VEPH1: variants seen among roughly 807,000 people sequenced by gnomAD.
The protein encoded by VEPH1 is ventricular zone-expressed PH domain-containing protein homolog 1.
VEPH1 carries 80 observed loss-of-function variants against 85.2 expected under a neutral mutation model. That is an observed-to-expected ratio of 0.94 (90% CI 0.78 to 1.13). The LOEUF is 1.13. VEPH1 is among the 50% of genes most tolerant of loss of function. The pLI is 0.00. For missense variants in VEPH1, 955 were observed against 980.5 expected (o/e 0.97, Z 0.35); for synonymous variants, 297 against 348.0 (o/e 0.85, Z 1.63).
At chr3:157,264,637 A>G (rs1713366695) in intron 13 of VEPH1, among the ~76,000 whole-genome samples, 1 of 152,134 alleles carries the variant, frequency 6.6e-6, no homozygotes, top group African/African-American at 2.4e-5. Context: ...TCCTTGGACA[A>G]TCCAATCAGT....
chr3:157,402,516 T>G (rs1252260782), intron 6 of VEPH1, among the ~76,000 whole-genome samples: 1 of 152,086 alleles, frequency 6.6e-6, no homozygotes, highest in African/African-American at 2.4e-5. Flanking sequence ...ATCCAGAGAT[T>G]TAAAAAATCA....
In VEPH1 at chr3:157,469,256, A is replaced by G. The variant is rs185051208; in HGVS notation, c.354+1058T>C. ...GTGGTGCATGAAGAGTCTTTTGTTC[A>G]GTTGATCAATTCCTAGACTGAGCAG... On this transcript the variant is annotated intron_variant, in intron 3 of 13. Transcript: ENST00000362010. 2.4e-3 allele frequency among the ~76,000 whole-genome samples: 372 copies of G among 152,354 alleles called. 1 individual carries two copies. The highest frequency in any genetic ancestry group is 7.9e-3 in the African/African-American group (330 of 41,574).
At chr3:157,347,603 G>T (rs1375376424) in intron 9 of VEPH1, among the ~76,000 whole-genome samples, 2 of 152,240 alleles carry the variant, frequency 1.3e-5, no homozygotes, top group African/African-American at 4.8e-5. Flanking sequence ...CGGGGGAGTA[G>T]AGATGCACAT....
chr3:157,317,557 A>G (rs995502925), intron 9 of VEPH1, among the ~76,000 whole-genome samples: 46 of 152,374 alleles, frequency 3.0e-4, no homozygotes, highest in African/African-American at 1.0e-3. Context: ...AAGAAAACCC[A>G]GGCATTTTCT....
At chr3:157,384,212 G>A (rs1159799637) in intron 6 of VEPH1, among the ~76,000 whole-genome samples, 1 of 152,156 alleles carries the variant, frequency 6.6e-6, no homozygotes, top group Non-Finnish European at 1.5e-5. Context: ...AGTGTACTTA[G>A]GACACATCTC....
chr3:157,346,671 A>G (rs1254374053), intron 9 of VEPH1, among the ~76,000 whole-genome samples: 2 of 151,914 alleles, frequency 1.3e-5, no homozygotes, highest in African/African-American at 4.8e-5. Flanking sequence ...GTGGTGGTGC[A>G]ATCACACTTC....
At chr3:157,446,393 A>G (rs1048437959) in intron 4 of VEPH1, among the ~76,000 whole-genome samples, 10 of 152,154 alleles carry the variant, frequency 6.6e-5, no homozygotes, top group African/African-American at 2.2e-4. Context: ...TGAACTAAAC[A>G]CAGTTGATAT....
intron 6 of VEPH1, chr3:157,409,587 T>C (rs1731388419): frequency 1.0e-6 from 1 of 975,880 alleles, no homozygotes; most frequent in Non-Finnish European, 1.2e-6. Context: ...TGTAGGATTT[T>C]GGTTTTTGTT....
chr3:157,420,674 T>C (rs1330167441), intron 5 of VEPH1, among the ~76,000 whole-genome samples: 4 of 152,214 alleles, frequency 2.6e-5, no homozygotes, highest in Non-Finnish European at 5.9e-5. Context: ...TGAGTATTCT[T>C]GGCCTCGATT....
chr3:157,483,226 C>T (rs1738299976), intron 2 of VEPH1, among the ~76,000 whole-genome samples: 1 of 151,942 alleles, frequency 6.6e-6, no homozygotes, highest in Non-Finnish European at 1.5e-5. Context: ...GACATCACCA[C>T]CACTAACAAC....
chr3:157,377,793 A>G (rs970115276), intron 7 of VEPH1, among the ~76,000 whole-genome samples: 10 of 152,162 alleles, frequency 6.6e-5, no homozygotes, highest in African/African-American at 2.2e-4. Context: ...TCTATCCTTT[A>G]TAAATTACTC....
chr3:157,450,855 C>T (rs1173695930), intron 4 of VEPH1, among the ~76,000 whole-genome samples: 1 of 152,060 alleles, frequency 6.6e-6, no homozygotes, highest in Non-Finnish European at 1.5e-5. Context: ...TAGTTTTTCC[C>T]TCATAAGATA....
intron 9 of VEPH1, among the ~76,000 whole-genome samples, chr3:157,329,254 A>G (rs1722249904): frequency 6.6e-6 from 1 of 152,068 alleles, no homozygotes; most frequent in Admixed American, 6.6e-5. Context: ...CCATGCCCAA[A>G]CCTCTCTTGA....
intron 6 of VEPH1, among the ~76,000 whole-genome samples, chr3:157,393,538 T>TTTATTATAAAGA (rs1730081088): frequency 6.6e-6 from 1 of 152,228 alleles, no homozygotes; most frequent in African/African-American, 2.4e-5. Context: ...GCCTGAATGT[T>TTTATTATAAAGA]TTATTATAAA....
chr3:157,344,641 C>T (rs145932822), intron 9 of VEPH1, among the ~76,000 whole-genome samples: 2,457 of 152,292 alleles, frequency 0.016, 51 homozygotes, highest in African/African-American at 0.057. Flanking sequence ...CATCAAGCTA[C>T]CAATGACTTT....
intron 4 of VEPH1, chr3:157,437,574 G>T: frequency 6.3e-7 from 1 of 1,597,430 alleles, no homozygotes; most frequent in Non-Finnish European, 8.5e-7. Flanking sequence ...TCATGCTGGA[G>T]AACTCGCAGA....
At chr3:157,422,640 G>A (rs1193608799) in intron 5 of VEPH1, among the ~76,000 whole-genome samples, 1 of 152,110 alleles carries the variant, frequency 6.6e-6, no homozygotes, top group East Asian at 1.9e-4. Context: ...AAACTCTACT[G>A]CAGTTTTGCT....
chr3:157,319,947 A>G (rs1033593599), intron 9 of VEPH1, among the ~76,000 whole-genome samples: 1 of 152,192 alleles, frequency 6.6e-6, no homozygotes, highest in Non-Finnish European at 1.5e-5. Flanking sequence ...GAATGCTTTC[A>G]GTACATCTGG....
At chr3:157,477,481 A>G (rs1441316891) in intron 2 of VEPH1, among the ~76,000 whole-genome samples, 2 of 152,130 alleles carry the variant, frequency 1.3e-5, no homozygotes, top group African/African-American at 4.8e-5. Context: ...TAGGATGAGG[A>G]CATTTTTTGT....
Sources: gnomAD v4.1 joint callset for allele counts (sites outside exome capture counted in the v4.1 genomes callset) on GRCh38, gnomAD v4.1.1 for gene constraint, MANE v1.5 for transcripts, NCBI Gene and HGNC (gene_info 2026-07-23, HGNC 2026-07-21) for gene names.